Variants in ZNF565 observed in about 807,000 individuals in gnomAD.
ZNF565 encodes the protein zinc finger protein 565.
In ZNF565, 27 loss-of-function variants were observed where a neutral mutation model predicts 39.4. The ratio of observed to expected loss-of-function variants is 0.69; its 90% CI spans 0.51 to 0.95. The LOEUF is 0.95. Among genes scored for constraint, ZNF565 ranks in the 40% least tolerant of loss-of-function variants. The probability of loss-of-function intolerance (pLI) is 0.00; values close to 1 mark genes in which losing one functional copy is unlikely to be tolerated. For synonymous variants in ZNF565, 185 were observed against 216.6 expected (o/e 0.85, Z 1.28); for missense variants, 524 against 621.1 (o/e 0.84, Z 1.66).
intron 1 of ZNF565, among the ~76,000 whole-genome samples, chr19:36,241,476 C>T (rs1977798976): frequency 8.8e-6 from 1 of 114,104 alleles, no homozygotes; most frequent in Non-Finnish European, 1.7e-5. Context: ...AAGAGCAAGA[C>T]TCTGTATTAA....
rs772551360 is a variant in ZNF565, at chr19:36,244,637, G to A, written c.55+839C>T. 7.5e-4 allele frequency among the ~76,000 whole-genome samples: 114 copies of A among 151,844 alleles called. 1 individual carries two copies. Among genetic ancestry groups the A allele is most frequent in the Non-Finnish European group, 1.2e-3 (83 of 67,964 alleles). On this transcript the variant is annotated intron_variant, in intron 1 of 4. Transcript: ENST00000355114. ...GGAGGCCGAGGCCGGTGGATCACGA[G>A]GCCAAGAGATCGAGACCATCCTGGC... is the stretch of plus-strand genomic sequence containing the variant.
chr19:36,220,417 T>G (rs918369446), intron 1 of ZNF565, among the ~76,000 whole-genome samples: 1 of 151,564 alleles, frequency 6.6e-6, no homozygotes, highest in Admixed American at 6.6e-5. Flanking sequence ...CAGGCTGGAG[T>G]GCAGTGGCAC....
chr19:36,211,449 T>TCACACACACACACACACACA (rs370230430), intron 1 of ZNF565, among the ~76,000 whole-genome samples: 2 of 137,674 alleles, frequency 1.5e-5, no homozygotes, highest in African/African-American at 2.7e-5. Context: ...CAACTCTCTC[T>TCACACACACACACACACACA]CACACACACA....
At chr19:36,214,697 T>C (rs534326070), upstream of ZNF565, 2 of 152,826 alleles carry the variant, frequency 1.3e-5, no homozygotes, top group Non-Finnish European at 2.9e-5. Context: ...CGACGTAACG[T>C]CAGGCCGCTG....
chr19:36,242,596 G>A (rs550304275), intron 1 of ZNF565, among the ~76,000 whole-genome samples: 3 of 151,666 alleles, frequency 2.0e-5, no homozygotes, highest in East Asian at 2.0e-4. Context: ...ATGGTGGCAC[G>A]TGCCTCTCAT....
chr19:36,243,285 C>T (rs1342627871), intron 1 of ZNF565, among the ~76,000 whole-genome samples: 4 of 152,136 alleles, frequency 2.6e-5, no homozygotes, highest in Admixed American at 6.5e-5. Flanking sequence ...CCACCCACCT[C>T]GGCCTTCCAA....
chr19:36,241,929 T>C (rs2145479957), intron 1 of ZNF565, among the ~76,000 whole-genome samples: 1 of 151,834 alleles, frequency 6.6e-6, no homozygotes, highest in East Asian at 1.9e-4. Flanking sequence ...CATAGGAACA[T>C]AGGAGTAAAT....
intron 1 of ZNF565, among the ~76,000 whole-genome samples, chr19:36,229,911 G>A (rs567476179): frequency 6.6e-6 from 1 of 152,208 alleles, no homozygotes; most frequent in African/African-American, 2.4e-5. Flanking sequence ...ATAGAGATGG[G>A]GTTTTGCCAT....
intron 1 of ZNF565, among the ~76,000 whole-genome samples, chr19:36,220,282 A>G (rs1039021292): frequency 1.3e-5 from 2 of 152,012 alleles, no homozygotes; most frequent in African/African-American, 4.8e-5. Context: ...AAAAATCATG[A>G]GTCCATATTC....
intron 2 of ZNF565, among the ~76,000 whole-genome samples, chr19:36,195,541 T>A (rs1279993914): frequency 2.0e-5 from 3 of 149,466 alleles, no homozygotes; most frequent in African/African-American, 7.4e-5. Flanking sequence ...TCAATTTTTT[T>A]TCTTTTCTCT....
At chr19:36,211,441 A>ATT (rs1555739596) in intron 1 of ZNF565, among the ~76,000 whole-genome samples, 1 of 123,104 alleles carries the variant, frequency 8.1e-6, no homozygotes, top group African/African-American at 3.4e-5. Context: ...CCAAACTCCA[A>ATT]CTCTCTCTCA....
In ZNF565 at chr19:36,183,267, A is replaced by G. The variant is rs1358502269; in HGVS notation, c.699T>C (p.Gly233=). 6.2e-7 allele frequency: 1 copy of G among 1,613,740 alleles called. No individual in the cohort carries two copies. The highest frequency in any genetic ancestry group is 2.2e-5 in the East Asian group (1 of 44,830). The change falls in exon 5 of 5, where the codon GGT becomes GGC. Residue 233 remains glycine (G), a synonymous_variant. Coordinates refer to ENST00000304116, the MANE Select transcript of ZNF565 (RefSeq NM_152477.5). The stretch of plus-strand genomic sequence containing the variant: ...GATGTAGAATAAGTTCTGATGTACG[A>G]CCAAAGGCCTTCCCACAGTCCTTAC... ...YDCKDCGKAF[G]RTSELILHQR... is the part of the protein sequence containing the mutation.
In ZNF565 at chr19:36,182,740, T is replaced by C; in HGVS notation, c.1226A>G (p.His409Arg). The change falls in exon 5 of 5, where the codon CAT (histidine) becomes CGT (arginine). Residue 409 changes from histidine (H) to arginine (R), a missense_variant. Coordinates refer to ENST00000304116, the MANE Select transcript of ZNF565 (RefSeq NM_152477.5). Reference sequence around the variant, plus strand: ...TTTGTCACCTGTATGAATTCTTTGATGTTGAATGAGGTATGAGCTACGACT... The same window carrying C: ...TTTGTCACCTGTATGAATTCTTTGACGTTGAATGAGGTATGAGCTACGACT... ...AFSRSSYLIQHQRIHTGDKPY... is the reference protein window; with the variant it reads ...AFSRSSYLIQRQRIHTGDKPY... 1 of 1,614,156 alleles carries C rather than the reference T, an allele frequency of 6.2e-7. No individual in the cohort carries two copies. Among genetic ancestry groups the C allele is most frequent in the South Asian group, 1.1e-5 (1 of 91,082 alleles).
At chr19:36,241,361 G>C (rs1977796456) in intron 1 of ZNF565, among the ~76,000 whole-genome samples, 1 of 151,708 alleles carries the variant, frequency 6.6e-6, no homozygotes, top group Non-Finnish European at 1.5e-5. Context: ...GCGGGGGCCA[G>C]TAATCCCAGC....
At chr19:36,235,572 T>TGAA (rs1248588202) in intron 1 of ZNF565, 4 of 152,144 alleles carry the variant, frequency 2.6e-5, no homozygotes, top group Non-Finnish European at 4.4e-5. Context: ...AAAGGTAAAA[T>TGAA]GAAGGGCTTA....
At chr19:36,241,053 G>A (rs534418784) in intron 1 of ZNF565, among the ~76,000 whole-genome samples, 1 of 152,338 alleles carries the variant, frequency 6.6e-6, no homozygotes, top group East Asian at 1.9e-4. Flanking sequence ...CCAGAACTGT[G>A]TACCAATATG....
At chr19:36,196,921 G>A (rs1367235277) in intron 2 of ZNF565, among the ~76,000 whole-genome samples, 2 of 152,136 alleles carry the variant, frequency 1.3e-5, no homozygotes, top group Non-Finnish European at 2.9e-5. Flanking sequence ...GCTGCGCGTG[G>A]TGGCAGGTGC....
chr19:36,231,994 AGAGTTT>A (rs1977394691), intron 1 of ZNF565, among the ~76,000 whole-genome samples: 1 of 152,038 alleles, frequency 6.6e-6, no homozygotes, highest in African/African-American at 2.4e-5. Flanking sequence ...CCTGAGGTCA[AGAGTTT>A]GAGACTGGCC....
intron 1 of ZNF565, among the ~76,000 whole-genome samples, chr19:36,223,091 C>G (rs1976922932): frequency 6.6e-6 from 1 of 151,562 alleles, no homozygotes; most frequent in African/African-American, 2.4e-5. Flanking sequence ...ACAGGCAGTG[C>G]ACCACCATGC....
Sources: allele counts gnomAD v4.1 joint callset (sites outside exome capture counted in the v4.1 genomes callset), GRCh38; gene constraint gnomAD v4.1.1; transcripts MANE v1.5; gene names NCBI Gene and HGNC (gene_info 2026-07-23, HGNC 2026-07-21).